COL23A1: variants seen among roughly 807,000 people sequenced by gnomAD.
COL23A1 encodes collagen type XXIII alpha 1 chain.
Under a neutral mutation model 99.3 loss-of-function variants are expected in COL23A1, and 97 were observed. That is an observed-to-expected ratio of 0.98 (90% CI 0.83 to 1.16). The LOEUF (loss-of-function observed/expected upper bound fraction) is 1.16, where lower values mean the gene tolerates loss of function less well. Ranked by LOEUF, COL23A1 falls within the 50% of genes most tolerant of loss-of-function variation. The pLI, the probability that COL23A1 is intolerant of heterozygous loss-of-function variation, is 0.00. For missense variants in COL23A1, 762 were observed against 757.4 expected, an observed-to-expected ratio of 1.01 and a Z score of -0.07; for synonymous variants, 320 against 308.2, an observed-to-expected ratio of 1.04 and a Z score of -0.40.
chr5:178,325,201 C>T (rs73804793), intron 2 of COL23A1, among the ~76,000 whole-genome samples: 48 of 152,336 alleles, frequency 3.2e-4, no homozygotes, highest in African/African-American at 1.1e-3. Context: ...CTGCCTGCCC[C>T]GTTTCCTCTC....
At chr5:178,470,781 T>C (rs527931477) in intron 2 of COL23A1, among the ~76,000 whole-genome samples, 179 of 80,528 alleles carry the variant, frequency 2.2e-3, no homozygotes, top group Non-Finnish European at 4.5e-3. Flanking sequence ...TGGACCCAGA[T>C]ACCTCCTGTC....
At position 178,387,905 on chromosome 5, in the gene COL23A1, T is replaced by C. The variant is rs578145499; in HGVS notation, c.362-80986A>G. ...GCCTGCAAGGCCTCCTCCCAAGATGTGGCAGCTGTGGTGGCACTGCAAGAA... is the reference window on the plus strand; with the variant it reads ...GCCTGCAAGGCCTCCTCCCAAGATGCGGCAGCTGTGGTGGCACTGCAAGAA... On this transcript the variant is annotated intron_variant, in intron 2 of 28. Transcript: ENST00000390654. This position sits in a 1 kb window ranked among gnomAD's most constrained non-coding sequence, Gnocchi z 4.7. 4.3e-4 allele frequency among the ~76,000 whole-genome samples: 66 copies of C among 152,130 alleles called. No individual in the cohort carries two copies. Among genetic ancestry groups the C allele is most frequent in the African/African-American group, 1.6e-3 (65 of 41,438 alleles).
At chr5:178,523,038 T>C (rs915076384) in intron 2 of COL23A1, among the ~76,000 whole-genome samples, 1 of 151,576 alleles carries the variant, frequency 6.6e-6, no homozygotes, top group African/African-American at 2.4e-5. Flanking sequence ...TGGTAGCTCA[T>C]GCCTGTAATC....
intron 6 of COL23A1, among the ~76,000 whole-genome samples, chr5:178,269,360 C>CGT (rs1756103628): frequency 1.9e-5 from 1 of 51,516 alleles, no homozygotes; most frequent in Non-Finnish European, 7.1e-5. Flanking sequence ...CCCACCCACC[C>CGT]ATCCACCCAC....
rs199558683 is a variant in COL23A1 at position 178,473,132 on chromosome 5, C to CA, written c.361+87549dup. 4.0e-3 allele frequency among the ~76,000 whole-genome samples: 603 copies of CA among 151,170 alleles called. 5 individuals are homozygous for CA. Among genetic ancestry groups the CA allele is most frequent in the African/African-American group, 0.013 (546 of 41,158 alleles). ...AGCAAGACTCTCTTCGCCATCCCCCCAAAAAAAATCATAATAAAAATCACA... is the reference window on the plus strand; with the variant it reads ...AGCAAGACTCTCTTCGCCATCCCCCCAAAAAAAAATCATAATAAAAATCACA... On this transcript the variant is annotated intron_variant, in intron 2 of 28. Transcript: ENST00000390654.
intron 4 of COL23A1, 171 bp from the exon 5 acceptor site, chr5:178,288,521 C>A: frequency 1.5e-6 from 1 of 684,804 alleles, no homozygotes; most frequent in East Asian, 2.6e-5. Context: ...CAGAGCAGCC[C>A]TTTCCTGCCT....
intron 2 of COL23A1, among the ~76,000 whole-genome samples, chr5:178,524,659 C>G (rs920336603): frequency 6.6e-6 from 1 of 152,260 alleles, no homozygotes; most frequent in Non-Finnish European, 1.5e-5. Context: ...TCCTGCAGAC[C>G]TGGCCAACTT....
chr5:178,271,071 G>A (rs1756259041), intron 5 of COL23A1, among the ~76,000 whole-genome samples: 2 of 152,192 alleles, frequency 1.3e-5, no homozygotes, highest in Admixed American at 1.3e-4. Context: ...CAGAGAGTGG[G>A]GGCACTCAGG....
At chr5:178,301,343 CCTTT>C (rs1758021431) in intron 3 of COL23A1, among the ~76,000 whole-genome samples, 1 of 152,146 alleles carries the variant, frequency 6.6e-6, no homozygotes, top group African/African-American at 2.4e-5. Context: ...CTCATGCTTT[CCTTT>C]ATTTCTTCAA....
chr5:178,571,160 G>C (rs551644308), intron 1 of COL23A1, among the ~76,000 whole-genome samples: 1 of 152,090 alleles, frequency 6.6e-6, no homozygotes, highest in Non-Finnish European at 1.5e-5. Flanking sequence ...TCAGGAGTTC[G>C]AGACCAGCCT....
chr5:178,343,564 A>G (rs543747741), intron 2 of COL23A1, among the ~76,000 whole-genome samples: 2 of 152,238 alleles, frequency 1.3e-5, no homozygotes, highest in South Asian at 4.1e-4. Context: ...GATGGGATAC[A>G]GCTGAAATTT....
chr5:178,424,969 C>CG (rs1194565855), intron 2 of COL23A1, among the ~76,000 whole-genome samples: 1 of 152,204 alleles, frequency 6.6e-6, no homozygotes, highest in Non-Finnish European at 1.5e-5. Context: ...GTCAGGGAAG[C>CG]GAGCGCCCAG....
chr5:178,459,681 G>C (rs187798939), intron 2 of COL23A1, among the ~76,000 whole-genome samples: 2 of 152,298 alleles, frequency 1.3e-5, no homozygotes, highest in Admixed American at 1.3e-4. Flanking sequence ...AGAATCGCTT[G>C]AACCCAGGAG....
chr5:178,337,100 G>A (rs916776295), intron 2 of COL23A1, among the ~76,000 whole-genome samples: 4 of 152,230 alleles, frequency 2.6e-5, no homozygotes, highest in Non-Finnish European at 4.4e-5. Context: ...GGGGGCCTGC[G>A]GAGGACATCA....
chr5:178,430,782 T>C (rs1354882896), intron 2 of COL23A1, among the ~76,000 whole-genome samples: 1 of 152,180 alleles, frequency 6.6e-6, no homozygotes, highest in Non-Finnish European at 1.5e-5. Context: ...TCCCAGACCC[T>C]GGGATCTGGG....
chr5:178,534,607 CA>C (rs1479858952), intron 2 of COL23A1, among the ~76,000 whole-genome samples: 4 of 152,118 alleles, frequency 2.6e-5, no homozygotes, highest in African/African-American at 9.7e-5. Flanking sequence ...GGTGAAATTC[CA>C]TCTCTACTAA....
In COL23A1 at chr5:178,262,271, A is replaced by G. The variant is rs777427496; in HGVS notation, c.640-19T>C. On this transcript the variant is annotated intron_variant, in intron 9 of 28. Coordinates refer to ENST00000390654, the MANE Select transcript of COL23A1 (RefSeq NM_173465.4). ...TGGGGCCCTGCGGAAGTGTGAGGGG[A>G]CAGCAGTGAAGGATGCAGGATGTCA... The G allele has an allele frequency of 2.5e-6, 4 of 1,575,022 alleles. No homozygotes were observed. In the Admixed American group the frequency reaches 7.5e-5, roughly 30 times the overall value.
intron 2 of COL23A1, among the ~76,000 whole-genome samples, chr5:178,475,474 T>C (rs1257701869): frequency 6.6e-6 from 1 of 152,194 alleles, no homozygotes; most frequent in African/African-American, 2.4e-5. Context: ...CCTATACTCC[T>C]GACTCTCAGA....
intron 2 of COL23A1, among the ~76,000 whole-genome samples, chr5:178,333,747 C>T (rs1760170747): frequency 6.6e-6 from 1 of 152,158 alleles, no homozygotes; most frequent in African/African-American, 2.4e-5. Context: ...GTGACTGGCC[C>T]CCTGAGGAAG....
Sources: gnomAD v4.1 joint callset for allele counts (sites outside exome capture counted in the v4.1 genomes callset) on GRCh38, gnomAD v4.1.1 for gene constraint, Gnocchi (gnomAD v3.1) non-coding constraint, MANE v1.5 for transcripts, NCBI Gene and HGNC (gene_info 2026-07-23, HGNC 2026-07-21) for gene names.